Variants in GTPBP10 observed in about 807,000 individuals in gnomAD.
GTPBP10 encodes the protein GTP-binding protein 10.
A neutral mutation model predicts 44.8 loss-of-function variants in GTPBP10; 38 were observed. The observed-to-expected ratio is 0.85, with a 90% CI of 0.65 to 1.11. The LOEUF (loss-of-function observed/expected upper bound fraction) is 1.11, where lower values mean the gene tolerates loss of function less well. Among genes scored for constraint, GTPBP10 ranks in the 50% most tolerant of loss-of-function variants. The pLI is 0.00. For missense variants in GTPBP10, 462 were observed against 453.7 expected (o/e 1.02, Z -0.17); for synonymous variants, 152 against 150.6 (o/e 1.01, Z -0.07).
At position 90,385,037 on chromosome 7, in the gene GTPBP10, G is replaced by A. The variant is rs533190751; in HGVS notation, c.1047G>A (p.Gln349=). ...IRKSLDEQAN[Q]ENDALHKKQL... The stretch of plus-strand genomic sequence containing the variant: ...AGTCACTGGATGAACAGGCCAACCA[G>A]GAAAATGATGCACTTCATAAGAAAC... The change falls in exon 10 of 10, where the codon CAG becomes CAA. Residue 349 remains glutamine, a synonymous_variant. Coordinates refer to ENST00000222511, the MANE Select transcript of GTPBP10 (RefSeq NM_033107.4). 11 of 1,613,948 alleles carry A rather than the reference G, an allele frequency of 6.8e-6. No homozygotes were observed. The East Asian group carries it at 2.5e-4, about 36-fold the overall frequency.
chr7:90,364,642 G>C (rs1177685007), intron 4 of GTPBP10, among the ~76,000 whole-genome samples: 1 of 152,196 alleles, frequency 6.6e-6, no homozygotes, highest in African/African-American at 2.4e-5. Flanking sequence ...TGGGAGAACT[G>C]CTACTGTCTT....
chr7:90,348,420 T>C (rs1173268657), intron 1 of GTPBP10, among the ~76,000 whole-genome samples: 1 of 152,086 alleles, frequency 6.6e-6, no homozygotes, highest in Non-Finnish European at 1.5e-5. Flanking sequence ...TTGACACATA[T>C]AAAATATATA....
Position 90,388,568 on chromosome 7 carries a change from T to C in GTPBP10, c.*3414T>C, listed in dbSNP as rs1473779863. 1 of 152,214 alleles carries C rather than the reference T, an allele frequency of 6.6e-6. No homozygotes were observed. Among genetic ancestry groups the C allele is most frequent in the African/African-American group, 2.4e-5 (1 of 41,460 alleles). The allele number at this position is 152,214 out of a possible 1,614,324, so 9.4% of individuals were successfully genotyped here. A position where few individuals can be genotyped will look rare whatever the true frequency, so the allele number is the denominator to read the frequency against. ...CTTTTTGTGATATATATTCATATTATTATTTGTCATAACAAGGTGAACTTT... is the reference window on the plus strand; with the variant it reads ...CTTTTTGTGATATATATTCATATTACTATTTGTCATAACAAGGTGAACTTT... On this transcript the variant is annotated 3_prime_UTR_variant, in exon 10 of 10. Coordinates refer to ENST00000222511, the MANE Select transcript of GTPBP10 (RefSeq NM_033107.4).
At chr7:90,374,435 G>T in intron 6 of GTPBP10, 81 bp downstream of exon 6, 1 of 904,544 alleles carries the variant, frequency 1.1e-6, no homozygotes, top group Non-Finnish European at 1.8e-6. Flanking sequence ...TATAGTTTTT[G>T]CCTGTTTCTG....
chr7:90,376,070 C>CAA (rs368737563), intron 6 of GTPBP10, among the ~76,000 whole-genome samples: 61 of 129,360 alleles, frequency 4.7e-4, no homozygotes, highest in African/African-American at 9.7e-4. Context: ...ACTAAAAATA[C>CAA]AAAAAAAAAA....
intron 7 of GTPBP10, chr7:90,377,866 C>A: frequency 3.2e-6 from 1 of 308,360 alleles, no homozygotes; most frequent in African/African-American, 2.2e-5. Context: ...TTTCATTCTT[C>A]ACTGATGATG....
At chr7:90,363,879 T>C (rs1796077522) in intron 4 of GTPBP10, among the ~76,000 whole-genome samples, 2 of 152,208 alleles carry the variant, frequency 1.3e-5, no homozygotes, top group South Asian at 4.1e-4. Flanking sequence ...CTTCATTTCA[T>C]TCATTTAATC....
At chr7:90,384,603 A>C (rs17863998) in intron 9 of GTPBP10, among the ~76,000 whole-genome samples, 27,034 of 148,278 alleles carry the variant, frequency 0.18, 2,589 homozygotes, top group South Asian at 0.21. Context: ...AACCCCCCCC[A>C]CACACACAAA....
chr7:90,385,399 A>T lies in GTPBP10; in HGVS notation c.*245A>T, dbSNP rs555447082. On this transcript the variant is annotated 3_prime_UTR_variant, in exon 10 of 10. Coordinates refer to ENST00000222511, the MANE Select transcript of GTPBP10 (RefSeq NM_033107.4). ...TATTGGTCAAAATTTACAAAATTTCAGTTAGACAAGGCAACTGAGTTCAAG... is the reference window on the plus strand; with the variant it reads ...TATTGGTCAAAATTTACAAAATTTCTGTTAGACAAGGCAACTGAGTTCAAG... 3.2e-6 allele frequency: 1 copy of T among 312,908 alleles called. No homozygotes were observed. Among genetic ancestry groups the T allele is most frequent in the Admixed American group, 4.6e-5 (1 of 21,510 alleles). 19.4% of individuals were successfully genotyped at this position (312,908 alleles called of 1,614,324 possible).
At chr7:90,361,453 T>C (rs1236628403) in intron 4 of GTPBP10, among the ~76,000 whole-genome samples, 1 of 152,262 alleles carries the variant, frequency 6.6e-6, no homozygotes, top group African/African-American at 2.4e-5. Flanking sequence ...TTGCGTATGT[T>C]GAACCAGCCT....
Position 90,355,077 on chromosome 7 carries a change from C to T in GTPBP10, c.320-9C>T, listed in dbSNP as rs762672568. 1 of 1,528,644 alleles carries T rather than the reference C, an allele frequency of 6.5e-7. No homozygotes were observed. Among genetic ancestry groups the T allele is most frequent in the Non-Finnish European group, 8.9e-7 (1 of 1,119,272 alleles). The allele number at this position is 1,528,644 out of a possible 1,614,324, so 94.7% of individuals were successfully genotyped here. A position where few individuals can be genotyped will look rare whatever the true frequency, so the allele number is the denominator to read the frequency against. On this transcript the variant is annotated splice_polypyrimidine_tract_variant and intron_variant, in intron 3 of 9. Coordinates refer to ENST00000222511, the MANE Select transcript of GTPBP10 (RefSeq NM_033107.4). ...CTTTGCTGTAAGTATTTCTCTCCCT[C>T]TTTTTAAGGAGAACTCAATAAAGAA...
chr7:90,363,892 C>G (rs1336896555), intron 4 of GTPBP10, among the ~76,000 whole-genome samples: 1 of 152,212 alleles, frequency 6.6e-6, no homozygotes, highest in African/African-American at 2.4e-5. Context: ...ATTTAATCTT[C>G]AGTCACTGAT....
At chr7:90,372,943 T>C (rs983976387) in intron 5 of GTPBP10, among the ~76,000 whole-genome samples, 1 of 152,160 alleles carries the variant, frequency 6.6e-6, no homozygotes, top group Non-Finnish European at 1.5e-5. Context: ...TATAAGGGAA[T>C]ATGAAAGGGT....
At chr7:90,381,645 A>G (rs1426920643) in intron 8 of GTPBP10, among the ~76,000 whole-genome samples, 1 of 152,212 alleles carries the variant, frequency 6.6e-6, no homozygotes, top group Non-Finnish European at 1.5e-5. Context: ...TGGAAGCTTC[A>G]CACTACCTAA....
At chr7:90,374,612 C>A (rs1192568994) in intron 6 of GTPBP10, among the ~76,000 whole-genome samples, 2 of 152,120 alleles carry the variant, frequency 1.3e-5, no homozygotes, top group Non-Finnish European at 2.9e-5. Context: ...CTTCTTATTG[C>A]AAGTCTTTCT....
chr7:90,349,942 T>C (rs546558369), intron 1 of GTPBP10, among the ~76,000 whole-genome samples: 1 of 152,284 alleles, frequency 6.6e-6, no homozygotes, highest in Admixed American at 6.5e-5. Flanking sequence ...TAAATTATAC[T>C]TTAAGTTCTA....
At position 90,346,798 on chromosome 7, in the gene GTPBP10, G is replaced by A. The variant is rs746938974; in HGVS notation, c.33+24G>A. The A allele has an allele frequency of 2.5e-6, 4 of 1,612,576 alleles. No homozygotes were observed. In the African/African-American group the frequency reaches 5.4e-5, roughly 22 times the overall value. On this transcript the variant is annotated intron_variant, in intron 1 of 9. Coordinates refer to ENST00000222511, the MANE Select transcript of GTPBP10 (RefSeq NM_033107.4). ...AGGTCCGTGCGGGTCCCCTCAGCCTGGTCCCCTTAGCGCTGACAGCTCTGG... is the reference window on the plus strand; with the variant it reads ...AGGTCCGTGCGGGTCCCCTCAGCCTAGTCCCCTTAGCGCTGACAGCTCTGG...
In GTPBP10 at chr7:90,385,145, T is replaced by C; in HGVS notation, c.1155T>C (p.Asp385=). 1.3e-6 allele frequency: 2 copies of C among 1,597,564 alleles called. No individual in the cohort carries two copies. The highest frequency in any genetic ancestry group is 3.4e-5 in the Admixed American group (2 of 58,526). Residue 385 remains aspartate, a synonymous_variant, in exon 10 of 10, where the codon GAT becomes GAC. Transcript: ENST00000222511. ...SKHAVTTSKM[D]II Reference sequence around the variant, plus strand: ...ATGCTGTTACTACTTCCAAAATGGATATAATTTAAATATATTAAAAATGGT... The same window carrying C: ...ATGCTGTTACTACTTCCAAAATGGACATAATTTAAATATATTAAAAATGGT...
chr7:90,360,273 G>A (rs988562015), intron 4 of GTPBP10, among the ~76,000 whole-genome samples: 10 of 152,146 alleles, frequency 6.6e-5, no homozygotes, highest in African/African-American at 9.7e-5. Flanking sequence ...ATGGTTTTAC[G>A]ACTATCATTT....
Sources: allele counts gnomAD v4.1 joint callset (sites outside exome capture counted in the v4.1 genomes callset), GRCh38; gene constraint gnomAD v4.1.1; transcripts MANE v1.5; gene names NCBI Gene and HGNC (gene_info 2026-07-23, HGNC 2026-07-21).